The following PADI3 variants were observed in gnomAD, a reference collection of about 807,000 sequenced individuals.
PADI3 encodes the protein peptidyl arginine deiminase 3.
In PADI3, 53 loss-of-function variants were observed where a neutral mutation model predicts 71.5. The ratio of observed to expected loss-of-function variants is 0.74; its 90% CI spans 0.59 to 0.93. PADI3 has a LOEUF of 0.93. Ranked by LOEUF, PADI3 falls within the 40% of genes least tolerant of loss-of-function variation. The pLI, the probability that PADI3 is intolerant of heterozygous loss-of-function variation, is 0.00. For synonymous variants in PADI3, 361 were observed against 347.5 expected, an observed-to-expected ratio of 1.04 and a Z score of -0.43; for missense variants, 821 against 868.0, an observed-to-expected ratio of 0.95 and a Z score of 0.68.
intron 13 of PADI3, among the ~76,000 whole-genome samples, chr1:17,279,717 A>T (rs1216725845): frequency 6.6e-6 from 1 of 152,128 alleles, no homozygotes; most frequent in Non-Finnish European, 1.5e-5. Flanking sequence ...GAGATGCTGA[A>T]CCTGGGCACT....
chr1:17,269,978 C>G (rs910857028), intron 6 of PADI3, among the ~76,000 whole-genome samples: 4 of 152,114 alleles, frequency 2.6e-5, no homozygotes, highest in African/African-American at 7.2e-5. Context: ...TTGGGGTAAA[C>G]ATTACTTTGT....
At chr1:17,251,325 G>C (rs1466471876) in intron 1 of PADI3, among the ~76,000 whole-genome samples, 1 of 152,184 alleles carries the variant, frequency 6.6e-6, no homozygotes, top group Non-Finnish European at 1.5e-5. Flanking sequence ...TAACAATCCT[G>C]GGTCCTCAGC....
chr1:17,282,923 G>C lies in PADI3; in HGVS notation c.1839G>C (p.Leu613=), dbSNP rs754535156. Reference sequence around the variant, plus strand: ...CCATCATCAATGGCTGCTGCTGCCTGGAGGAGAAGGTGCGGTCCCTGCTGG... The same window carrying C: ...CCATCATCAATGGCTGCTGCTGCCTCGAGGAGAAGGTGCGGTCCCTGCTGG... ...FGPIINGCCC[L]EEKVRSLLEP... The change falls in exon 16 of 16, where the codon CTG becomes CTC. Residue 613 remains leucine, a synonymous_variant. Coordinates refer to ENST00000375460, the MANE Select transcript of PADI3 (RefSeq NM_016233.2). 2.5e-6 allele frequency: 4 copies of C among 1,613,988 alleles called. No individual in the cohort carries two copies. The highest frequency in any genetic ancestry group is 3.4e-6 in the Non-Finnish European group (4 of 1,179,968).
rs1315852169 is a variant in PADI3 at position 17,262,363 on chromosome 1, A to G, written c.346+158A>G. Among the ~76,000 whole-genome samples the G allele has an allele frequency of 2.0e-5, 3 of 152,258 alleles. No individual in the cohort carries two copies. In the East Asian group the frequency reaches 5.8e-4, roughly 29 times the overall value. ...TTTTCTAGAGATACGCTGTGCTTAT[A>G]TATGAAAGCACATACATACCTGTAT... On this transcript the variant is annotated intron_variant, in intron 3 of 15. Transcript: ENST00000375460.
intron 15 of PADI3, among the ~76,000 whole-genome samples, chr1:17,281,859 C>T (rs1045291692): frequency 8.5e-5 from 13 of 152,208 alleles, no homozygotes; most frequent in South Asian, 4.1e-4. Context: ...ACTGCTGCCG[C>T]GCTAACAAAC....
intron 15 of PADI3, among the ~76,000 whole-genome samples, chr1:17,281,207 C>A (rs1158045202): frequency 6.6e-6 from 1 of 152,220 alleles, no homozygotes; most frequent in Non-Finnish European, 1.5e-5. Context: ...ATTAAGAATG[C>A]CCCCTGCTCT....
At chr1:17,268,354 A>T (rs2100580837) in intron 6 of PADI3, among the ~76,000 whole-genome samples, 1 of 152,276 alleles carries the variant, frequency 6.6e-6, no homozygotes, top group South Asian at 2.1e-4. Flanking sequence ...CCCAAACACC[A>T]TAGATTTCAC....
intron 1 of PADI3, among the ~76,000 whole-genome samples, chr1:17,258,717 T>C (rs1403874378): frequency 6.6e-6 from 1 of 152,216 alleles, no homozygotes; most frequent in East Asian, 1.9e-4. Flanking sequence ...TTACAGCTTG[T>C]AAGAGTGGAG....
At chr1:17,253,939 G>A (rs987235806) in intron 1 of PADI3, among the ~76,000 whole-genome samples, 3 of 152,196 alleles carry the variant, frequency 2.0e-5, no homozygotes, top group Non-Finnish European at 4.4e-5. Flanking sequence ...GGAGGCCTCT[G>A]AGTCCCCTCC....
chr1:17,251,168 G>C (rs181821907), intron 1 of PADI3, among the ~76,000 whole-genome samples: 3 of 152,318 alleles, frequency 2.0e-5, no homozygotes, highest in Admixed American at 2.0e-4. Flanking sequence ...CACATACAGG[G>C]GAGAACAAGC....
At position 17,276,803 on chromosome 1, in the gene PADI3, G is replaced by A. The variant is rs2073339218; in HGVS notation, c.1482G>A (p.Gly494=). Residue 494 remains glycine, a synonymous_variant, in exon 13 of 16, where the codon GGG becomes GGA. Transcript: ENST00000375460. ...TCCGGATGCTCCTGGCCAGCCCTGG[G>A]GCCTGCTTCAAGCTCTTCCAGGAAA... The part of the protein sequence containing the change: ...KGFRMLLASP[G]ACFKLFQEKQ... 6.2e-7 allele frequency: 1 copy of A among 1,613,640 alleles called. No individual in the cohort carries two copies. Among genetic ancestry groups the A allele is most frequent in the African/African-American group, 1.3e-5 (1 of 74,928 alleles).
chr1:17,270,947 C>A lies in PADI3; in HGVS notation c.900C>A (p.Pro300=). 6 of 1,614,146 alleles carry A rather than the reference C, an allele frequency of 3.7e-6. No homozygotes were observed. Among genetic ancestry groups the A allele is most frequent in the Non-Finnish European group, 5.1e-6 (6 of 1,180,012 alleles). Residue 300 remains proline, a synonymous_variant, in exon 8 of 16, where the codon CCC becomes CCA. Transcript: ENST00000375460. ...VFRVAPWIMT[P]STLPPLEVYV... Reference sequence around the variant, plus strand: ...GAGTGGCACCCTGGATCATGACGCCCAGCACTCTGCCACCCCTAGAGGTGT... The same window carrying A: ...GAGTGGCACCCTGGATCATGACGCCAAGCACTCTGCCACCCCTAGAGGTGT...
chr1:17,283,046 C>A lies in PADI3; in HGVS notation c.1962C>A (p.Pro654=), dbSNP rs1416461886. The A allele has an allele frequency of 1.2e-6, 2 of 1,614,168 alleles. No homozygotes were observed. Among genetic ancestry groups the A allele is most frequent in the Non-Finnish European group, 1.7e-6 (2 of 1,180,006 alleles). The change falls in exon 16 of 16, where the codon CCC becomes CCA. Residue 654 remains proline, a synonymous_variant. Transcript: ENST00000375460. ...VHCGTNVCRK[P]FSFKWWNMVP ...GTGGCACCAATGTGTGCAGAAAGCC[C>A]TTCTCTTTCAAGTGGTGGAACATGG...
chr1:17,265,651 T>A lies in PADI3; in HGVS notation c.347-8T>A, dbSNP rs769341770. 5 of 1,613,884 alleles carry A rather than the reference T, an allele frequency of 3.1e-6. No individual in the cohort carries two copies. Among genetic ancestry groups the A allele is most frequent in the Non-Finnish European group, 4.2e-6 (5 of 1,179,860 alleles). ...TTGTAGTGACTTACCCTCTGCCTCC[T>A]CTTGCAGACATCTCTCTGGATTGCG... is the stretch of plus-strand genomic sequence containing the variant. On this transcript the variant is annotated splice_region_variant and splice_polypyrimidine_tract_variant and intron_variant, in intron 3 of 15. Coordinates refer to ENST00000375460, the MANE Select transcript of PADI3 (RefSeq NM_016233.2).
intron 1 of PADI3, among the ~76,000 whole-genome samples, chr1:17,252,950 G>T (rs534980601): frequency 1.1e-4 from 17 of 152,350 alleles, no homozygotes; most frequent in African/African-American, 4.1e-4. Context: ...GCAGTCCCCA[G>T]GCTGGTTCAG....
intron 1 of PADI3, among the ~76,000 whole-genome samples, chr1:17,251,056 G>C (rs2072960239): frequency 6.6e-6 from 1 of 152,200 alleles, no homozygotes; most frequent in Non-Finnish European, 1.5e-5. Context: ...GGTGGGAGTG[G>C]AGAGCTCCTA....
rs147308107 is a variant in PADI3 at position 17,282,870 on chromosome 1, C to T, written c.1786C>T (p.His596Tyr). Residue 596 changes from histidine (H) to tyrosine (Y), a missense_variant, in exon 16 of 16, where the codon CAC (histidine) becomes TAC (tyrosine). By Grantham distance (83) the His-to-Tyr change is moderately conservative (BLOSUM62 2). Transcript: ENST00000375460. ...DLVNMLVLGK[H>Y]LGIPKPFGPI... ...GGTGAACATGCTGGTGCTGGGGAAG[C>T]ACCTGGGCATCCCCAAGCCCTTTGG... 10 of 1,613,018 alleles carry T rather than the reference C, an allele frequency of 6.2e-6. No individual in the cohort carries two copies. The African/African-American group carries it at 6.7e-5, about 11-fold the overall frequency.
Position 17,261,194 on chromosome 1 carries a change from G to A in PADI3, c.274-939G>A, listed in dbSNP as rs540649079. 3.3e-5 allele frequency among the ~76,000 whole-genome samples: 5 copies of A among 152,286 alleles called. No homozygotes were observed. In the South Asian group the frequency reaches 8.3e-4, roughly 25 times the overall value. On this transcript the variant is annotated intron_variant, in intron 2 of 15. Transcript: ENST00000375460. Reference sequence around the variant, plus strand: ...CCCATGTCAGGAGGGAATACCCCAAGGGGAGGGTCATGCTTTAAAGGGAAC... The same window carrying A: ...CCCATGTCAGGAGGGAATACCCCAAAGGGAGGGTCATGCTTTAAAGGGAAC...
chr1:17,271,621 A>G (rs1417296965), intron 9 of PADI3, among the ~76,000 whole-genome samples: 1 of 151,956 alleles, frequency 6.6e-6, no homozygotes, highest in Non-Finnish European at 1.5e-5. Context: ...TGATTGCTAC[A>G]AAAATACCTA....
Sources: gnomAD v4.1 joint callset for allele counts (sites outside exome capture counted in the v4.1 genomes callset) on GRCh38, gnomAD v4.1.1 for gene constraint, MANE v1.5 for transcripts, NCBI Gene and HGNC (gene_info 2026-07-23, HGNC 2026-07-21) for gene names.